RIMBP2: variants seen among roughly 807,000 people sequenced by gnomAD.
The protein encoded by RIMBP2 is RIMS binding protein 2.
In RIMBP2, 48 loss-of-function variants were observed where a neutral mutation model predicts 118.6. The observed-to-expected ratio is 0.40, with a 90% CI of 0.32 to 0.51. The LOEUF is 0.51. Ranked by LOEUF, RIMBP2 falls within the 20% of genes least tolerant of loss-of-function variation. The pLI, the probability that RIMBP2 is intolerant of heterozygous loss-of-function variation, is 0.41. For synonymous variants in RIMBP2, 762 were observed against 742.9 expected (o/e 1.03, Z -0.42); for missense variants, 1,551 against 1,768.3 (o/e 0.88, Z 2.20).
In RIMBP2 at chr12:130,456,641, C is replaced by G; in HGVS notation, c.213G>C (p.Leu71=). Residue 71 remains leucine, a synonymous_variant, in exon 7 of 23, where the codon CTG becomes CTC. Transcript: ENST00000690449. ...CRTQSEQFNL[L]SRDLEKFRQH... is the part of the protein sequence containing the mutation. ...GCCGGAACTTCTCCAGGTCCCGGGA[C>G]AGCAGGTTGAACTGCTCACTTTGAG... The G allele has an allele frequency of 6.2e-7, 1 of 1,613,522 alleles. No individual in the cohort carries two copies. The highest frequency in any genetic ancestry group is 8.5e-7 in the Non-Finnish European group (1 of 1,179,744).
chr12:130,474,471 C>T (rs1057198228), intron 5 of RIMBP2, among the ~76,000 whole-genome samples: 2 of 152,180 alleles, frequency 1.3e-5, no homozygotes, highest in East Asian at 1.9e-4. Context: ...ACGAGTCCGA[C>T]GCGCCTTTCA....
intron 21 of RIMBP2, among the ~76,000 whole-genome samples, chr12:130,400,211 T>C (rs1237487246): frequency 1.3e-5 from 2 of 152,166 alleles, no homozygotes; most frequent in Non-Finnish European, 2.9e-5. Flanking sequence ...AGACCAATGA[T>C]GGACACCTTC....
chr12:130,422,553 C>T lies in RIMBP2; in HGVS notation c.3138G>A (p.Gly1046=), dbSNP rs759369219. 6.2e-7 allele frequency: 1 copy of T among 1,605,104 alleles called. No individual in the cohort carries two copies. Among genetic ancestry groups the T allele is most frequent in the East Asian group, 2.2e-5 (1 of 44,758 alleles). Residue 1046 remains glycine (G), a synonymous_variant, in exon 17 of 23, where the codon GGG becomes GGA. Transcript: ENST00000690449. The surrounding 1 kb of genome is among the most constrained non-coding windows in gnomAD (Gnocchi z 5.2). ...PRVAQGPLIL[G]NPASAGRVDH... ...CCACCCGTCCTGCAGAGGCTGGGTT[C>T]CCTAAAATCTAAAGACAAAACAACA...
In RIMBP2 at chr12:130,447,773, G is replaced by A. The variant is rs552970374; in HGVS notation, c.581+2427C>T. ...GAAGGACCCAGGAGCCCTCAGCAAG[G>A]CGTTCCCCACGGCGGAGGCTGCACC... is the stretch of plus-strand genomic sequence containing the variant. On this transcript the variant is annotated intron_variant, in intron 9 of 22. Coordinates refer to ENST00000690449, the MANE Select transcript of RIMBP2 (RefSeq NM_001393629.1). This position sits in a 1 kb window ranked among gnomAD's most constrained non-coding sequence, Gnocchi z 4.4. 6.6e-6 allele frequency among the ~76,000 whole-genome samples: 1 copy of A among 152,188 alleles called. No individual in the cohort carries two copies. Among genetic ancestry groups the A allele is most frequent in the Admixed American group, 6.5e-5 (1 of 15,290 alleles).
At chr12:130,607,555 G>A (rs751273650) in intron 2 of RIMBP2, among the ~76,000 whole-genome samples, 1 of 151,820 alleles carries the variant, frequency 6.6e-6, no homozygotes, top group Non-Finnish European at 1.5e-5. Flanking sequence ...ATGGTGCTTT[G>A]ATCATCTCCT....
chr12:130,669,582 A>G (rs1414170552), intron 1 of RIMBP2, among the ~76,000 whole-genome samples: 4 of 152,132 alleles, frequency 2.6e-5, no homozygotes, highest in African/African-American at 7.2e-5. Context: ...GAGAAGGTCA[A>G]GCTTGCTTCC....
intron 2 of RIMBP2, among the ~76,000 whole-genome samples, chr12:130,611,046 C>T (rs978306528): frequency 1.3e-5 from 2 of 152,192 alleles, no homozygotes; most frequent in South Asian, 2.1e-4. Flanking sequence ...TCTCATCCAA[C>T]ACCTCATTTC....
intron 4 of RIMBP2, among the ~76,000 whole-genome samples, chr12:130,492,445 AAG>A (rs767355456): frequency 6.6e-5 from 10 of 151,730 alleles, no homozygotes; most frequent in South Asian, 2.1e-4. Context: ...GGGAAAAAAA[AAG>A]AGAGAGAGAG....
chr12:130,624,778 G>A (rs2061520350), intron 2 of RIMBP2, among the ~76,000 whole-genome samples: 1 of 152,176 alleles, frequency 6.6e-6, no homozygotes, highest in Admixed American at 6.5e-5. Flanking sequence ...AGAATGGAGT[G>A]TCATGGCACT....
intron 5 of RIMBP2, among the ~76,000 whole-genome samples, chr12:130,477,910 C>T (rs2081579481): frequency 6.6e-6 from 1 of 152,198 alleles, no homozygotes; most frequent in African/African-American, 2.4e-5. Context: ...GGGGTGGCTG[C>T]CCTGCCAGGA....
intron 12 of RIMBP2, among the ~76,000 whole-genome samples, chr12:130,437,728 G>A (rs1181796973): frequency 6.6e-6 from 1 of 150,784 alleles, no homozygotes; most frequent in Non-Finnish European, 1.5e-5. Context: ...GGCCCATGCT[G>A]GGGACTTCCC....
chr12:130,454,761 C>A (rs2079278624), intron 7 of RIMBP2, among the ~76,000 whole-genome samples: 1 of 152,242 alleles, frequency 6.6e-6, no homozygotes. Flanking sequence ...GCTGGCCAAT[C>A]CCTGTTCCCG....
chr12:130,609,366 T>A (rs541279580), intron 2 of RIMBP2, among the ~76,000 whole-genome samples: 54 of 151,608 alleles, frequency 3.6e-4, no homozygotes, highest in Admixed American at 1.3e-3. Context: ...TCAGCCATTT[T>A]AAAAAAAAAT....
intron 2 of RIMBP2, among the ~76,000 whole-genome samples, chr12:130,619,772 CG>C (rs1159573401): frequency 5.3e-5 from 8 of 152,132 alleles, no homozygotes; most frequent in African/African-American, 1.9e-4. Flanking sequence ...TTGTTTGCAC[CG>C]GGGAGCTGGC....
intron 1 of RIMBP2, among the ~76,000 whole-genome samples, chr12:130,656,588 C>T (rs2063438624): frequency 6.6e-6 from 1 of 152,182 alleles, no homozygotes; most frequent in Non-Finnish European, 1.5e-5. Flanking sequence ...CCCGGGCTCC[C>T]CCTGACTCCT....
intron 4 of RIMBP2, among the ~76,000 whole-genome samples, chr12:130,486,475 G>A (rs930992544): frequency 9.2e-6 from 1 of 108,540 alleles, no homozygotes; most frequent in Non-Finnish European, 1.9e-5. Context: ...CCGCCCCCCC[G>A]CCACTCATAC....
intron 13 of RIMBP2, among the ~76,000 whole-genome samples, chr12:130,436,333 A>G (rs977199905): frequency 1.3e-5 from 2 of 152,222 alleles, no homozygotes; most frequent in African/African-American, 4.8e-5. Flanking sequence ...GTTTCTACAC[A>G]TAGGTACAGA....
At chr12:130,692,245 G>T (rs899049287) in intron 1 of RIMBP2, among the ~76,000 whole-genome samples, 1 of 152,134 alleles carries the variant, frequency 6.6e-6, no homozygotes, top group African/African-American at 2.4e-5. Context: ...ACCTTCACCT[G>T]CACGTGGGGG....
Position 130,442,885 on chromosome 12 carries a change from C to G in RIMBP2, c.692-225G>C, listed in dbSNP as rs904420092. 6.6e-6 allele frequency among the ~76,000 whole-genome samples: 1 copy of G among 152,186 alleles called. No homozygotes were observed. ...GCCCAGTCTTCTTTTCTCCATGATA[C>G]TTATCGCAACCTGAAACCATCATGT... On this transcript the variant is annotated intron_variant, in intron 10 of 22. Transcript: ENST00000690449. This position sits in a 1 kb window ranked among gnomAD's most constrained non-coding sequence, Gnocchi z 6.9.
Sources: gnomAD v4.1 joint callset for allele counts (sites outside exome capture counted in the v4.1 genomes callset) on GRCh38, gnomAD v4.1.1 for gene constraint, Gnocchi (gnomAD v3.1) non-coding constraint, MANE v1.5 for transcripts, NCBI Gene and HGNC (gene_info 2026-07-23, HGNC 2026-07-21) for gene names.